Variants in PSPC1 observed in about 807,000 individuals in gnomAD.
PSPC1 encodes the protein paraspeckle protein 1.
Under a neutral mutation model 51.6 loss-of-function variants are expected in PSPC1, and 14 were observed. That is an observed-to-expected ratio of 0.27 (90% CI 0.18 to 0.42). PSPC1 has a LOEUF of 0.42. Among genes scored for constraint, PSPC1 ranks in the 10% least tolerant of loss-of-function variants. The probability of loss-of-function intolerance (pLI) is 1.00; values close to 1 mark genes in which losing one functional copy is unlikely to be tolerated. For synonymous variants in PSPC1, 193 were observed against 231.9 expected (o/e 0.83, Z 1.53); for missense variants, 406 against 701.1 (o/e 0.58, Z 4.75).
rs1880067975 is a variant in PSPC1 at position 19,702,697 on chromosome 13, C to A, written c.*478G>T. The A allele has an allele frequency of 6.3e-6, 1 of 158,954 alleles. No individual in the cohort carries two copies. The highest frequency in any genetic ancestry group is 2.4e-5 in the African/African-American group (1 of 41,372). The allele number at this position is 158,954 out of a possible 1,614,324, so 9.8% of individuals were successfully genotyped here. On this transcript the variant is annotated 3_prime_UTR_variant, in exon 9 of 9. Transcript: ENST00000338910. The stretch of plus-strand genomic sequence containing the variant: ...CCCCCACATATACTACTCTATCTAC[C>A]CCTTATTGACATTAGCTTTCATTAA...
At position 19,755,976 on chromosome 13, in the gene PSPC1, T is replaced by C. The variant is rs377752999; in HGVS notation, c.770+3347A>G. Among the ~76,000 whole-genome samples, 315 of 152,112 alleles carry C rather than the reference T, an allele frequency of 2.1e-3. 1 individual carries two copies. Among genetic ancestry groups the C allele is most frequent in the African/African-American group, 7.2e-3 (301 of 41,536 alleles). On this transcript the variant is annotated intron_variant, in intron 3 of 8. Transcript: ENST00000338910. The stretch of plus-strand genomic sequence containing the variant: ...AGTGGGCCGGGCGCAGTGGCTCACA[T>C]CTGTAATCCCAGCACCTTGGGAGGC...
intron 6 of PSPC1, among the ~76,000 whole-genome samples, chr13:19,728,914 T>C (rs1883702642): frequency 6.6e-6 from 1 of 152,126 alleles, no homozygotes; most frequent in South Asian, 2.1e-4. Context: ...AAAACATAAA[T>C]ATTCCAGCCC....
Position 19,692,382 on chromosome 13 carries a change from C to T in PSPC1, c.1159-14559G>A, listed in dbSNP as rs77278595. ...CCACCCACCTTGACCTCCCAAAGTG[C>T]TCAGATTACAGCATGTCACTGCGCC... On this transcript the variant is annotated intron_variant and NMD_transcript_variant, in intron 6 of 7. Coordinates refer to the PSPC1 transcript ENST00000471658. 4.9e-3 allele frequency among the ~76,000 whole-genome samples: 749 copies of T among 152,242 alleles called. 7 individuals carry two copies. The highest frequency in any genetic ancestry group is 0.017 in the African/African-American group (696 of 41,534).
downstream of PSPC1, among the ~76,000 whole-genome samples, chr13:19,698,636 T>C (rs921575453): frequency 1.3e-5 from 2 of 151,882 alleles, no homozygotes; most frequent in Admixed American, 6.6e-5. Context: ...ATTTTATTTA[T>C]GTGTACAAGC....
Position 19,692,895 on chromosome 13 carries a change from G to A in PSPC1, c.1159-15072C>T, listed in dbSNP as rs556211194. The stretch of plus-strand genomic sequence containing the variant: ...AATTCAATGTAGGGAGGCTGGGGCT[G>A]GATCCCTGATCTATGTGGTCTCTCT... On this transcript the variant is annotated intron_variant and NMD_transcript_variant, in intron 6 of 7. Transcript: ENST00000471658. 2.6e-5 allele frequency among the ~76,000 whole-genome samples: 4 copies of A among 152,216 alleles called. No homozygotes were observed. The East Asian group carries it at 7.7e-4, about 29-fold the overall frequency.
intron 4 of PSPC1, among the ~76,000 whole-genome samples, chr13:19,747,881 T>C (rs528665399): frequency 6.6e-6 from 1 of 152,308 alleles, no homozygotes; most frequent in South Asian, 2.1e-4. Flanking sequence ...TTACAGTCTC[T>C]CCTCAACCTG....
chr13:19,726,106 T>C lies in PSPC1; in HGVS notation c.1158+4133A>G, dbSNP rs1883333028. On this transcript the variant is annotated intron_variant, in intron 6 of 8. Coordinates refer to ENST00000338910, the MANE Select transcript of PSPC1 (RefSeq NM_001354909.2). ...AGGAGTTTGAGGCTGTAGTGTGCTA[T>C]AATCACACTTGTCAATAGCCACTGC... is the stretch of plus-strand genomic sequence containing the variant. Among the ~76,000 whole-genome samples the C allele has an allele frequency of 2.6e-5, 4 of 152,066 alleles. 1 individual carries two copies. The highest frequency in any genetic ancestry group is 6.3e-3 in the Middle Eastern group (2 of 316).
At chr13:19,711,098 C>T (rs1881347911) in intron 6 of PSPC1, among the ~76,000 whole-genome samples, 2 of 152,130 alleles carry the variant, frequency 1.3e-5, no homozygotes, top group Admixed American at 6.5e-5. Context: ...GCCTCACGCT[C>T]GCAATGTGCT....
intron 6 of PSPC1, among the ~76,000 whole-genome samples, chr13:19,680,426 T>A (rs1399000184): frequency 6.6e-6 from 1 of 152,226 alleles, no homozygotes; most frequent in African/African-American, 2.4e-5. Flanking sequence ...CAAGGCTGAT[T>A]GTACATTGCA....
chr13:19,731,155 G>C (rs1884058335), intron 5 of PSPC1, among the ~76,000 whole-genome samples: 1 of 151,974 alleles, frequency 6.6e-6, no homozygotes, highest in African/African-American at 2.4e-5. Context: ...CCCACTGAAA[G>C]AAATCCCCTG....
chr13:19,748,217 C>CAA (rs1237722345), intron 4 of PSPC1, among the ~76,000 whole-genome samples: 1 of 65,700 alleles, frequency 1.5e-5, no homozygotes, highest in Non-Finnish European at 3.6e-5. Flanking sequence ...GAGTCTGTCT[C>CAA]AAAAAAAGAA....
rs539426124 is a variant in PSPC1 at position 19,718,690 on chromosome 13, T to G, written c.1159-9091A>C. Among the ~76,000 whole-genome samples the G allele has an allele frequency of 2.8e-5, 4 of 140,654 alleles. 1 individual carries two copies. The highest frequency in any genetic ancestry group is 7.6e-5 in the African/African-American group (3 of 39,436). 92.3% of individuals were successfully genotyped at this position (140,654 alleles called of 152,430 possible). On this transcript the variant is annotated intron_variant, in intron 6 of 8. Coordinates refer to ENST00000338910, the MANE Select transcript of PSPC1 (RefSeq NM_001354909.2). ...ACAAAAACCTACACATGAATGTTTA[T>G]AGCAGCTTGATTCATAATTGCTAAA...
chr13:19,699,900 T>C (rs1168600380), downstream of PSPC1, among the ~76,000 whole-genome samples: 1 of 152,046 alleles, frequency 6.6e-6, no homozygotes, highest in Non-Finnish European at 1.5e-5. Context: ...TTAGATGTTG[T>C]AACAAAACTC....
chr13:19,706,190 A>G (rs950966240), intron 7 of PSPC1, among the ~76,000 whole-genome samples: 1 of 152,226 alleles, frequency 6.6e-6, no homozygotes, highest in Non-Finnish European at 1.5e-5. Context: ...ATGAGTAACA[A>G]AGGATTAGCA....
At chr13:19,752,731 G>GTC (rs1886688266) in intron 3 of PSPC1, among the ~76,000 whole-genome samples, 1 of 152,010 alleles carries the variant, frequency 6.6e-6, no homozygotes, top group African/African-American at 2.4e-5. Context: ...GATTACAGGC[G>GTC]TCCGCCACCA....
At chr13:19,744,039 C>T (rs746506721) in intron 4 of PSPC1, among the ~76,000 whole-genome samples, 8 of 152,128 alleles carry the variant, frequency 5.3e-5, no homozygotes, top group Non-Finnish European at 8.8e-5. Flanking sequence ...ACCCGGGAGG[C>T]GGAGGCTGCA....
intron 4 of PSPC1, among the ~76,000 whole-genome samples, chr13:19,742,273 A>AAAAAAAC (rs1555241048): frequency 1.3e-5 from 2 of 151,640 alleles, no homozygotes; most frequent in African/African-American, 2.4e-5. Context: ...AAAAAAAAAA[A>AAAAAAAC]AAACAAACAA....
At chr13:19,697,750 T>C (rs1031285893), downstream of PSPC1, among the ~76,000 whole-genome samples, 10 of 152,174 alleles carry the variant, frequency 6.6e-5, no homozygotes, top group Non-Finnish European at 4.4e-5. Flanking sequence ...GAATTTAGTT[T>C]ACTTTTTCTC....
At chr13:19,775,636 A>C (rs370271627) in intron 1 of PSPC1, among the ~76,000 whole-genome samples, 1 of 152,230 alleles carries the variant, frequency 6.6e-6, no homozygotes, top group East Asian at 1.9e-4. Flanking sequence ...CTTTTAACTC[A>C]CTAGTAACAG....
Sources: gnomAD v4.1 joint callset for allele counts (sites outside exome capture counted in the v4.1 genomes callset) on GRCh38, gnomAD v4.1.1 for gene constraint, MANE v1.5 for transcripts, NCBI Gene and HGNC (gene_info 2026-07-23, HGNC 2026-07-21) for gene names.